Variants in HMGB1 observed in about 807,000 individuals in gnomAD.
HMGB1 encodes high mobility group protein B1.
For missense variants in HMGB1, 79 were observed against 253.5 expected (o/e 0.31, Z 4.67); for synonymous variants, 81 against 84.0 (o/e 0.96, Z 0.19).
At chr13:30,462,063 T>G (rs1047776260) in intron 4 of HMGB1, among the ~76,000 whole-genome samples, 3 of 152,276 alleles carry the variant, frequency 2.0e-5, no homozygotes, top group Non-Finnish European at 2.9e-5. Flanking sequence ...ATAAGAGTTA[T>G]AGATTTCCTT....
intron 1 of HMGB1, among the ~76,000 whole-genome samples, chr13:30,603,678 C>T (rs2137566466): frequency 6.6e-6 from 1 of 152,302 alleles, no homozygotes; most frequent in Admixed American, 6.5e-5. Context: ...TTACAGTCAC[C>T]TACAGGATCA....
chr13:30,457,938 T>C lies in HMGB1; in HGVS notation c.*3419A>G, dbSNP rs1886059874. Reference sequence around the variant, plus strand: ...AAATCACTTTCTGGCTTTTATCTACTTTTAAAATACATTTCAAGGGTCATT... The same window carrying C: ...AAATCACTTTCTGGCTTTTATCTACCTTTAAAATACATTTCAAGGGTCATT... On this transcript the variant is annotated 3_prime_UTR_variant, in exon 5 of 5. Transcript: ENST00000341423. 6.6e-6 allele frequency: 1 copy of C among 152,156 alleles called. No homozygotes were observed. Among genetic ancestry groups the C allele is most frequent in the Non-Finnish European group, 1.5e-5 (1 of 68,030 alleles). 9.4% of individuals were successfully genotyped at this position (152,156 alleles called of 1,614,324 possible). A position where few individuals can be genotyped will look rare whatever the true frequency, so the allele number is the denominator to read the frequency against.
At chr13:30,475,115 A>C (rs1429864988) in intron 1 of HMGB1, among the ~76,000 whole-genome samples, 2 of 69,060 alleles carry the variant, frequency 2.9e-5, no homozygotes, top group Admixed American at 2.4e-4. Flanking sequence ...ACCTTGGCTC[A>C]CTGTCTCTCT....
rs539632121 is a variant in HMGB1, at chr13:30,505,389, A to G, written c.-14-41695T>C. 3.2e-3 allele frequency among the ~76,000 whole-genome samples: 485 copies of G among 151,774 alleles called. 2 individuals are homozygous for G. The highest frequency in any genetic ancestry group is 5.1e-3 in the Non-Finnish European group (348 of 68,018). On this transcript the variant is annotated intron_variant, in intron 1 of 4. Transcript: ENST00000405805. ...GAGACAGGGTTTCACCGTGTTAGCC[A>G]GGATGGTCTCCATCTCCTGACCTCG...
chr13:30,561,501 G>A (rs1304359823), intron 1 of HMGB1, among the ~76,000 whole-genome samples: 1 of 152,168 alleles, frequency 6.6e-6, no homozygotes, highest in Non-Finnish European at 1.5e-5. Flanking sequence ...GTTCTTAAAG[G>A]AAGGACACTG....
intron 1 of HMGB1, among the ~76,000 whole-genome samples, chr13:30,578,560 C>G (rs1566030551): frequency 6.6e-6 from 1 of 151,914 alleles, no homozygotes. Flanking sequence ...GATTTCCTAA[C>G]TCTAATCTCT....
chr13:30,605,801 T>C (rs1324689463), intron 1 of HMGB1, among the ~76,000 whole-genome samples: 1 of 152,208 alleles, frequency 6.6e-6, no homozygotes, highest in East Asian at 1.9e-4. Flanking sequence ...GAAAGAATTG[T>C]TTGACAACCA....
intron 1 of HMGB1, among the ~76,000 whole-genome samples, chr13:30,471,352 GT>G (rs927457337): frequency 8.6e-5 from 13 of 151,550 alleles, no homozygotes; most frequent in African/African-American, 2.9e-4. Context: ...TTTGTTTTTT[GT>G]TTTTTGTTTT....
chr13:30,477,202 T>G (rs1005493353), intron 1 of HMGB1, among the ~76,000 whole-genome samples: 1 of 152,216 alleles, frequency 6.6e-6, no homozygotes, highest in African/African-American at 2.4e-5. Flanking sequence ...GGTCTTTGAA[T>G]AGGACCCTTA....
chr13:30,497,687 T>C (rs901849617), intron 1 of HMGB1, among the ~76,000 whole-genome samples: 1 of 152,184 alleles, frequency 6.6e-6, no homozygotes, highest in Non-Finnish European at 1.5e-5. Context: ...CTCCCACTTA[T>C]AGATGGAAAC....
At chr13:30,595,458 G>A (rs965996509) in intron 1 of HMGB1, among the ~76,000 whole-genome samples, 1 of 152,120 alleles carries the variant, frequency 6.6e-6, no homozygotes. Flanking sequence ...AAAATCTAGT[G>A]GCAGATGATA....
In HMGB1 at chr13:30,457,895, T is replaced by C. The variant is rs1427554913; in HGVS notation, c.*3462A>G. 1 of 140,500 alleles carries C rather than the reference T, an allele frequency of 7.1e-6. No homozygotes were observed. The highest frequency in any genetic ancestry group is 1.6e-5 in the Non-Finnish European group (1 of 64,136). The allele number at this position is 140,500 out of a possible 1,614,324, so 8.7% of individuals were successfully genotyped here. On this transcript the variant is annotated 3_prime_UTR_variant, in exon 5 of 5. Transcript: ENST00000341423. ...AGGACAAGAAAATGAACCACCATCT[T>C]TTGCTGGATAGACAATCAAATCACT...
intron 1 of HMGB1, among the ~76,000 whole-genome samples, chr13:30,486,255 T>G (rs1887360529): frequency 6.6e-6 from 1 of 152,192 alleles, no homozygotes; most frequent in South Asian, 2.1e-4. Context: ...TTTCGATTTC[T>G]TACTCCCTCA....
intron 1 of HMGB1, among the ~76,000 whole-genome samples, chr13:30,586,522 C>A (rs1593328644): frequency 8.7e-6 from 1 of 114,724 alleles, no homozygotes; most frequent in Non-Finnish European, 1.7e-5. Context: ...GAGTTTCGCT[C>A]TGTTGCCCAG....
intron 1 of HMGB1, among the ~76,000 whole-genome samples, chr13:30,477,462 G>A (rs1887124483): frequency 6.6e-6 from 1 of 152,150 alleles, no homozygotes; most frequent in Admixed American, 6.6e-5. Context: ...GAGCAGCCAG[G>A]GGAGATGCCG....
chr13:30,531,996 C>T (rs908998193), intron 1 of HMGB1, among the ~76,000 whole-genome samples: 4 of 151,766 alleles, frequency 2.6e-5, no homozygotes, highest in East Asian at 1.9e-4. Flanking sequence ...AAGATAGCCA[C>T]GTTTATGGTA....
intron 1 of HMGB1, among the ~76,000 whole-genome samples, chr13:30,465,498 TAAA>T (rs893264602): frequency 6.8e-6 from 1 of 147,984 alleles, no homozygotes; most frequent in South Asian, 2.1e-4. Flanking sequence ...TTTTTTTAAT[TAAA>T]AAAAAAATTT....
intron 1 of HMGB1, among the ~76,000 whole-genome samples, chr13:30,507,849 A>C (rs1485375559): frequency 6.6e-6 from 1 of 152,132 alleles, no homozygotes; most frequent in African/African-American, 2.4e-5. Flanking sequence ...TTAAAAAATT[A>C]GCCAGGTGTG....
chr13:30,538,838 T>A (rs2137498775), intron 1 of HMGB1, among the ~76,000 whole-genome samples: 1 of 151,668 alleles, frequency 6.6e-6, no homozygotes, highest in African/African-American at 2.4e-5. Flanking sequence ...TTTTCTTTTT[T>A]TCGAAGATGA....
Sources: allele counts gnomAD v4.1 joint callset (sites outside exome capture counted in the v4.1 genomes callset), GRCh38; gene constraint gnomAD v4.1.1; transcripts MANE v1.5; gene names NCBI Gene and HGNC (gene_info 2026-07-23, HGNC 2026-07-21).